The following PTPRT variants were observed in gnomAD, a reference collection of about 807,000 sequenced individuals.
PTPRT encodes protein tyrosine phosphatase receptor type T, also known as receptor-type tyrosine-protein phosphatase T.
Under a neutral mutation model 176.8 loss-of-function variants are expected in PTPRT, and 56 were observed. The ratio of observed to expected loss-of-function variants is 0.32; its 90% CI spans 0.26 to 0.40. The LOEUF (loss-of-function observed/expected upper bound fraction) is 0.40, where lower values mean the gene tolerates loss of function less well. Ranked by LOEUF, PTPRT falls within the 10% of genes least tolerant of loss-of-function variation. The pLI is 1.00. For missense variants in PTPRT, 1,540 were observed against 1,908.2 expected, an observed-to-expected ratio of 0.81 and a Z score of 3.60; for synonymous variants, 783 against 739.0, an observed-to-expected ratio of 1.06 and a Z score of -0.96.
At chr20:42,448,059 T>G (rs532939207) in intron 9 of PTPRT, among the ~76,000 whole-genome samples, 161 bp downstream of exon 9, 1 of 152,344 alleles carries the variant, frequency 6.6e-6, no homozygotes. Context: ...AGCTCCACTG[T>G]GTGCCATTAT....
At position 42,806,529 on chromosome 20, in the gene PTPRT, A is replaced by C. The variant is rs2077611664; in HGVS notation, c.215-15063T>G. Among the ~76,000 whole-genome samples, 5 of 151,900 alleles carry C rather than the reference A, an allele frequency of 3.3e-5. No individual in the cohort carries two copies. The South Asian group carries it at 1.0e-3, about 32-fold the overall frequency. ...CCAAACCTTACAGGATCCTCAGTTA[A>C]GCTTGAGGATTAACTGAATTAATAC... On this transcript the variant is annotated intron_variant, in intron 2 of 30. Coordinates refer to ENST00000373187, the MANE Select transcript of PTPRT (RefSeq NM_007050.6).
intron 1 of PTPRT, among the ~76,000 whole-genome samples, chr20:42,975,272 T>G (rs897058284): frequency 2.0e-5 from 3 of 152,090 alleles, no homozygotes; most frequent in Admixed American, 6.6e-5. Flanking sequence ...ATGAGAGAAG[T>G]GCATATGCTA....
intron 7 of PTPRT, among the ~76,000 whole-genome samples, chr20:42,479,229 G>C (rs1032479420): frequency 5.3e-5 from 8 of 152,228 alleles, no homozygotes; most frequent in Non-Finnish European, 1.2e-4. Flanking sequence ...TTTGCATGTG[G>C]AGTTGCCTGT....
At chr20:42,111,504 A>T (rs1986992609) in intron 22 of PTPRT, among the ~76,000 whole-genome samples, 1 of 152,202 alleles carries the variant, frequency 6.6e-6, no homozygotes, top group Non-Finnish European at 1.5e-5. Context: ...ACCTGATCTG[A>T]GGAGAAGAGA....
intron 25 of PTPRT, among the ~76,000 whole-genome samples, chr20:42,104,273 A>C (rs769962046): frequency 2.0e-5 from 3 of 152,178 alleles, no homozygotes; most frequent in Non-Finnish European, 4.4e-5. Flanking sequence ...GTTGAAGACC[A>C]TCCTGGGCAA....
intron 1 of PTPRT, among the ~76,000 whole-genome samples, chr20:42,925,553 A>G (rs1979425202): frequency 1.3e-5 from 2 of 152,210 alleles, no homozygotes; most frequent in Admixed American, 1.3e-4. Context: ...ATGCTCATGG[A>G]TGCCCTGCCC....
At chr20:43,018,587 G>A (rs1985488713) in intron 1 of PTPRT, among the ~76,000 whole-genome samples, 1 of 152,084 alleles carries the variant, frequency 6.6e-6, no homozygotes, top group Admixed American at 6.5e-5. Context: ...GCGGGGGGTG[G>A]GAATCTTCAG....
At chr20:42,797,060 C>T (rs966622659) in intron 2 of PTPRT, among the ~76,000 whole-genome samples, 1 of 152,106 alleles carries the variant, frequency 6.6e-6, no homozygotes, top group African/African-American at 2.4e-5. Context: ...TTCCCATACC[C>T]CTAAAGTTTT....
chr20:43,090,957 A>G (rs1345639139), intron 1 of PTPRT, among the ~76,000 whole-genome samples: 1 of 152,218 alleles, frequency 6.6e-6, no homozygotes, highest in Non-Finnish European at 1.5e-5. Context: ...CTGGCTGGGC[A>G]CAGTGGCTCA....
At chr20:42,532,030 C>T (rs1568955363) in intron 7 of PTPRT, among the ~76,000 whole-genome samples, 2 of 152,058 alleles carry the variant, frequency 1.3e-5, no homozygotes, top group African/African-American at 4.8e-5. Flanking sequence ...AGTCAGTGGC[C>T]GTAACTTGGG....
intron 2 of PTPRT, among the ~76,000 whole-genome samples, chr20:42,869,920 G>T (rs1166260295): frequency 6.6e-6 from 1 of 152,172 alleles, no homozygotes; most frequent in Non-Finnish European, 1.5e-5. Flanking sequence ...TTATAAAAGA[G>T]CTGGAGGGAA....
chr20:42,773,424 C>CA (rs918797600), intron 4 of PTPRT, among the ~76,000 whole-genome samples: 1 of 152,068 alleles, frequency 6.6e-6, no homozygotes, highest in Non-Finnish European at 1.5e-5. Context: ...CTGAAACCCC[C>CA]AAAAAATCCA....
At chr20:42,596,017 C>T (rs1289987446) in intron 7 of PTPRT, among the ~76,000 whole-genome samples, 1 of 152,110 alleles carries the variant, frequency 6.6e-6, no homozygotes, top group East Asian at 1.9e-4. Context: ...AGTCTTTATC[C>T]CTTAGTAGGA....
the PTPRT span, among the ~76,000 whole-genome samples, chr20:42,036,036 T>C: frequency 6.6e-6 from 1 of 152,150 alleles, no homozygotes; most frequent in Admixed American, 6.5e-5. Flanking sequence ...GGAGGAGCAA[T>C]AGCTGTGGGC....
At chr20:42,135,590 G>A (rs547915981) in intron 18 of PTPRT, among the ~76,000 whole-genome samples, 12 of 152,260 alleles carry the variant, frequency 7.9e-5, no homozygotes, top group African/African-American at 2.4e-4. Flanking sequence ...AATCTGTCTT[G>A]GGAAAGACCA....
chr20:42,337,271 C>T (rs983168242), intron 11 of PTPRT, among the ~76,000 whole-genome samples: 2 of 152,146 alleles, frequency 1.3e-5, no homozygotes, highest in Non-Finnish European at 2.9e-5. Flanking sequence ...AAACCCATTT[C>T]TTAGCAGAGC....
At chr20:42,176,253 C>A (rs1301121607) in intron 16 of PTPRT, among the ~76,000 whole-genome samples, 2 of 152,188 alleles carry the variant, frequency 1.3e-5, no homozygotes, top group Non-Finnish European at 2.9e-5. Context: ...CAAGGTTCAT[C>A]TGTCATGTCT....
intron 9 of PTPRT, among the ~76,000 whole-genome samples, chr20:42,356,359 A>T (rs773513080): frequency 1.3e-5 from 2 of 152,096 alleles, no homozygotes; most frequent in African/African-American, 2.4e-5. Flanking sequence ...TTAGTTGCTG[A>T]CAGTAGGATC....
At chr20:42,492,892 TTAACAC>T (rs2145381946) in intron 7 of PTPRT, among the ~76,000 whole-genome samples, 1 of 152,326 alleles carries the variant, frequency 6.6e-6, no homozygotes, top group African/African-American at 2.4e-5. Context: ...TTAAAATTAT[TTAACAC>T]TAATTTGTCA....
Sources: allele counts gnomAD v4.1 joint callset (sites outside exome capture counted in the v4.1 genomes callset), GRCh38; gene constraint gnomAD v4.1.1; transcripts MANE v1.5; gene names NCBI Gene and HGNC (gene_info 2026-07-23, HGNC 2026-07-21).